IST1: variants seen among roughly 807,000 people sequenced by gnomAD.
IST1 encodes IST1 homolog.
Under a neutral mutation model 37.0 loss-of-function variants are expected in IST1, and 23 were observed. The observed-to-expected ratio is 0.62, with a 90% CI of 0.45 to 0.88. The LOEUF is 0.88. Among genes scored for constraint, IST1 ranks in the 40% least tolerant of loss-of-function variants. The pLI is 0.00. For missense variants in IST1, 488 were observed against 445.4 expected (o/e 1.10, Z -0.86); for synonymous variants, 180 against 161.7 (o/e 1.11, Z -0.86).
rs781639018 is a variant in IST1, at chr16:71,921,486, G to C, written c.552+33G>C. On this transcript the variant is annotated intron_variant, in intron 6 of 9. Transcript: ENST00000378799. ...TATCCCAGAATACAAAGAAAAATGAGTTTGTAGGTATGACCTTCTTTGGAA... is the reference window on the plus strand; with the variant it reads ...TATCCCAGAATACAAAGAAAAATGACTTTGTAGGTATGACCTTCTTTGGAA... 2.2e-6 allele frequency: 3 copies of C among 1,344,304 alleles called. No homozygotes were observed. The East Asian group carries it at 6.9e-5, about 31-fold the overall frequency. 83.3% of individuals were successfully genotyped at this position (1,344,304 alleles called of 1,614,324 possible).
chr16:71,916,348 G>GA, intron 2 of IST1, 114 bp from the exon 3 acceptor site: 1 of 960,754 alleles, frequency 1.0e-6, no homozygotes, highest in South Asian at 1.6e-5. Context: ...TGCTAAAGGA[G>GA]AGGAGCTAGG....
At chr16:71,899,096 C>T (rs1333833445) in intron 1 of IST1, among the ~76,000 whole-genome samples, 1 of 152,060 alleles carries the variant, frequency 6.6e-6, no homozygotes, top group African/African-American at 2.4e-5. Context: ...GTATTTATAG[C>T]TCCTTCAAGA....
intron 1 of IST1, among the ~76,000 whole-genome samples, chr16:71,909,376 A>G (rs2037301125): frequency 6.6e-6 from 1 of 152,062 alleles, no homozygotes; most frequent in Non-Finnish European, 1.5e-5. Context: ...AACTGCTGGG[A>G]TTATAGGCAT....
intron 5 of IST1, 36 bp from the exon 6 acceptor site, chr16:71,921,307 T>C: frequency 1.6e-6 from 2 of 1,231,926 alleles, no homozygotes; most frequent in Non-Finnish European, 2.4e-6. Flanking sequence ...CTGGTTGGTA[T>C]ACATGCATCT....
chr16:71,903,589 G>C (rs1276981430), intron 1 of IST1: 2 of 152,108 alleles, frequency 1.3e-5, no homozygotes, highest in East Asian at 3.9e-4. Flanking sequence ...AAATTTAATA[G>C]AGACGAGGTC....
At position 71,921,335 on chromosome 16, in the gene IST1, A is replaced by T. The variant is rs1328045847; in HGVS notation, c.442-8A>T. On this transcript the variant is annotated splice_region_variant and splice_polypyrimidine_tract_variant and intron_variant, in intron 5 of 9. Transcript: ENST00000378799. ...ATGCATCTTAGCCCTGGGTCTTTTT[A>T]CTTACAGCTAATGCACAAGCTGAGT... 1 of 1,581,292 alleles carries T rather than the reference A, an allele frequency of 6.3e-7. No individual in the cohort carries two copies. Among genetic ancestry groups the T allele is most frequent in the Admixed American group, 1.7e-5 (1 of 59,956 alleles).
chr16:71,894,834 A>C (rs1057019551), upstream of IST1: 1 of 1,534,186 alleles, frequency 6.5e-7, no homozygotes, highest in African/African-American at 1.4e-5. Flanking sequence ...AAGCAGCGAT[A>C]ATGGTTTTCA....
chr16:71,924,483 C>T, intron 8 of IST1: 1 of 528,950 alleles, frequency 1.9e-6, no homozygotes, highest in Non-Finnish European at 3.4e-6. Flanking sequence ...CCCAGCTATG[C>T]AGGAGGCTGA....
chr16:71,902,498 G>T (rs764695431), intron 1 of IST1, among the ~76,000 whole-genome samples: 2 of 152,158 alleles, frequency 1.3e-5, no homozygotes, highest in Non-Finnish European at 2.9e-5. Flanking sequence ...TCGAACTCTT[G>T]ACCACAAGTA....
At chr16:71,902,654 ATTTG>A (rs886447404) in intron 1 of IST1, among the ~76,000 whole-genome samples, 14 of 152,098 alleles carry the variant, frequency 9.2e-5, no homozygotes, top group South Asian at 2.1e-4. Flanking sequence ...TTTCTGAGGG[ATTTG>A]TTTATTTCAT....
At chr16:71,923,837 T>G (rs955249340) in intron 8 of IST1, among the ~76,000 whole-genome samples, 10 of 152,232 alleles carry the variant, frequency 6.6e-5, no homozygotes, top group African/African-American at 2.4e-4. Flanking sequence ...AGCATTGATT[T>G]CACATTTTAG....
intron 1 of IST1, chr16:71,903,735 C>G (rs1305735995): frequency 6.6e-6 from 1 of 152,188 alleles, no homozygotes; most frequent in Non-Finnish European, 1.5e-5. Context: ...AGAACCCCAG[C>G]TATGTCCTAC....
chr16:71,921,730 T>C (rs2037589932), intron 6 of IST1: 1 of 342,432 alleles, frequency 2.9e-6, no homozygotes, highest in African/African-American at 2.1e-5. Context: ...AGAAACCTCC[T>C]GTTCATAGCA....
intron 4 of IST1, 39 bp downstream of exon 4, chr16:71,917,173 A>C (rs199848773): frequency 1.6e-6 from 2 of 1,249,646 alleles, no homozygotes; most frequent in South Asian, 2.5e-5. Flanking sequence ...GTAGCTTTTC[A>C]TATTGTTAGA....
At position 71,923,338 on chromosome 16, in the gene IST1, T is replaced by A; in HGVS notation, c.810T>A (p.Ile270=). The A allele has an allele frequency of 1.9e-6, 3 of 1,612,798 alleles. No individual in the cohort carries two copies. Among genetic ancestry groups the A allele is most frequent in the Non-Finnish European group, 2.5e-6 (3 of 1,178,878 alleles). ...GGACTTATCAGGCCTTTCCCAATAT[T>A]CATCCACCTCAGATACCAGCAACTC... The part of the protein sequence containing the change: ...PMGTYQAFPN[I]HPPQIPATPP... The change falls in exon 8 of 10, where the codon ATT becomes ATA. Residue 270 remains isoleucine (I), a synonymous_variant. Transcript: ENST00000378799.
Position 71,930,367 on chromosome 16 carries a change from T to C in IST1, c.*2554T>C. ...AAATGGACAGAAGAGCAGGAATGAC[T>C]CATTTTAAGGAGGTTAAGATAATTG... On this transcript the variant is annotated 3_prime_UTR_variant, in exon 10 of 10. Coordinates refer to ENST00000378799, the MANE Select transcript of IST1 (RefSeq NM_001270975.2). 2 of 502,904 alleles carry C rather than the reference T, an allele frequency of 4.0e-6. No homozygotes were observed. Among genetic ancestry groups the C allele is most frequent in the Non-Finnish European group, 6.5e-6 (2 of 306,440 alleles). 31.2% of individuals were successfully genotyped at this position (502,904 alleles called of 1,614,324 possible). A position where few individuals can be genotyped will look rare whatever the true frequency, so the allele number is the denominator to read the frequency against.
chr16:71,895,595 T>A lies in IST1; in HGVS notation c.-16+6T>A. 2 of 979,356 alleles carry A rather than the reference T, an allele frequency of 2.0e-6. No homozygotes were observed. Among genetic ancestry groups the A allele is most frequent in the South Asian group, 9.4e-5 (2 of 21,216 alleles). The allele number at this position is 979,356 out of a possible 1,614,324, so 60.7% of individuals were successfully genotyped here. On this transcript the variant is annotated splice_donor_region_variant and intron_variant, in intron 1 of 9. Coordinates refer to ENST00000378799, the MANE Select transcript of IST1 (RefSeq NM_001270975.2). The stretch of plus-strand genomic sequence containing the variant: ...TCACGGCAGGATTCGGTTAGGTGAG[T>A]GTGGCATCCTCGGCGTCAGAGGTCT...
At chr16:71,917,761 T>C (rs2037496517) in intron 4 of IST1, among the ~76,000 whole-genome samples, 1 of 152,240 alleles carries the variant, frequency 6.6e-6, no homozygotes, top group Non-Finnish European at 1.5e-5. Context: ...TTTCCTTCTT[T>C]TCTAGGTTTT....
intron 6 of IST1, chr16:71,921,876 G>A (rs1237957841): frequency 4.2e-5 from 8 of 192,770 alleles, no homozygotes; most frequent in Non-Finnish European, 5.4e-5. Context: ...GCTGGCTCAC[G>A]CCTGTAATCC....
Sources: allele counts gnomAD v4.1 joint callset (sites outside exome capture counted in the v4.1 genomes callset), GRCh38; gene constraint gnomAD v4.1.1; transcripts MANE v1.5; gene names NCBI Gene and HGNC (gene_info 2026-07-23, HGNC 2026-07-21).